The following RAD54L2 variants were observed in gnomAD, a reference collection of about 807,000 sequenced individuals.
RAD54L2 encodes RAD54 like 2, also known as helicase ARIP4.
A neutral mutation model predicts 138.4 loss-of-function variants in RAD54L2; 27 were observed. That is an observed-to-expected ratio of 0.20 (90% CI 0.14 to 0.27). The LOEUF (loss-of-function observed/expected upper bound fraction) is 0.27. Among genes scored for constraint, RAD54L2 ranks in the 10% least tolerant of loss-of-function variants. The pLI is 1.00. For missense variants in RAD54L2, 1,396 were observed against 1,890.2 expected (o/e 0.74, Z 4.85); for synonymous variants, 644 against 723.2 (o/e 0.89, Z 1.76).
intron 22 of RAD54L2, among the ~76,000 whole-genome samples, chr3:51,661,013 G>A (rs2106857324): frequency 6.6e-6 from 1 of 152,172 alleles, no homozygotes; most frequent in South Asian, 2.1e-4. Flanking sequence ...GAGTGCAGCA[G>A]TGCAATCTCA....
intron 2 of RAD54L2, among the ~76,000 whole-genome samples, chr3:51,589,859 A>G (rs1157988043): frequency 2.0e-5 from 3 of 152,186 alleles, no homozygotes; most frequent in Non-Finnish European, 4.4e-5. Flanking sequence ...CAAAATAGCC[A>G]AGAGATGTTT....
chr3:51,582,181 A>G (rs867676523), intron 2 of RAD54L2, among the ~76,000 whole-genome samples: 3 of 152,234 alleles, frequency 2.0e-5, no homozygotes, highest in Middle Eastern at 6.8e-3. Context: ...GTCCTGAGAT[A>G]ATAGACATGA....
chr3:51,644,799 A>G (rs1453344494), intron 16 of RAD54L2, among the ~76,000 whole-genome samples: 1 of 152,150 alleles, frequency 6.6e-6, no homozygotes, highest in Non-Finnish European at 1.5e-5. Flanking sequence ...GAGGAGAGTG[A>G]GTTTTGTTTC....
chr3:51,552,125 A>G (rs1375088640), intron 2 of RAD54L2, among the ~76,000 whole-genome samples: 3 of 152,192 alleles, frequency 2.0e-5, no homozygotes, highest in African/African-American at 4.8e-5. Flanking sequence ...AAATGTATGC[A>G]TGTTTAAAAT....
At chr3:51,631,437 T>A (rs994120041) in intron 7 of RAD54L2, among the ~76,000 whole-genome samples, 14 of 151,658 alleles carry the variant, frequency 9.2e-5, no homozygotes, top group Non-Finnish European at 1.5e-4. Flanking sequence ...TTTTTTTTTT[T>A]TCTCCTGAGA....
In RAD54L2 at chr3:51,645,979, AT is replaced by A. The variant is rs1701269203; in HGVS notation, c.2829+217del. 1.3e-5 allele frequency among the ~76,000 whole-genome samples: 2 copies of A among 152,132 alleles called. No homozygotes were observed. Among genetic ancestry groups the A allele is most frequent in the South Asian group, 4.1e-4 (2 of 4,830 alleles). ...CTGGGAGTGCTAAGGTTAGCCATGTATAGTAATTTGGCCAGTGAGTCTTCTT... is the reference window on the plus strand; with the variant it reads ...CTGGGAGTGCTAAGGTTAGCCATGTAAGTAATTTGGCCAGTGAGTCTTCTT... On this transcript the variant is annotated intron_variant, in intron 18 of 22. Coordinates refer to ENST00000684192, the MANE Select transcript of RAD54L2 (RefSeq NM_015106.4). The surrounding 1 kb of genome is among the most constrained non-coding windows in gnomAD (Gnocchi z 6.1).
At chr3:51,595,186 A>G (rs1032077523) in intron 3 of RAD54L2, among the ~76,000 whole-genome samples, 1 of 152,122 alleles carries the variant, frequency 6.6e-6, no homozygotes, top group African/African-American at 2.4e-5. Flanking sequence ...TTTACTGAGG[A>G]GCATCCATCA....
rs1559648059 is a variant in RAD54L2 at position 51,639,560 on chromosome 3, G to A, written c.2002G>A (p.Asp668Asn). The A allele has an allele frequency of 1.9e-6, 3 of 1,613,998 alleles. No individual in the cohort carries two copies. Among genetic ancestry groups the A allele is most frequent in the Admixed American group, 3.3e-5 (2 of 60,018 alleles). Reference protein sequence around the residue: ...PPQGTKGKGEDSTLASSMGEA... With the variant: ...PPQGTKGKGENSTLASSMGEA... ...ACAGGGAACAAAAGGCAAGGGAGAGGATAGCACCTTGGCTTCCTCGATGGG... is the reference window on the plus strand; with the variant it reads ...ACAGGGAACAAAAGGCAAGGGAGAGAATAGCACCTTGGCTTCCTCGATGGG... The change falls in exon 13 of 23, where the codon GAT becomes AAT. Residue 668 changes from aspartate (D) to asparagine (N), a missense_variant. Physicochemically the swap from Asp to Asn is conservative, Grantham distance 23 (BLOSUM62 1). Coordinates refer to ENST00000684192, the MANE Select transcript of RAD54L2 (RefSeq NM_015106.4).
intron 19 of RAD54L2, among the ~76,000 whole-genome samples, chr3:51,648,101 C>T (rs553652197): frequency 5.9e-5 from 9 of 152,274 alleles, no homozygotes; most frequent in South Asian, 2.1e-4. Context: ...CCAAATACTG[C>T]GCTTTTCCAA....
chr3:51,554,040 T>G (rs1698906716), intron 2 of RAD54L2, among the ~76,000 whole-genome samples: 1 of 152,110 alleles, frequency 6.6e-6, no homozygotes. Context: ...ATCAGGGTGG[T>G]GATTGCTGAA....
intron 3 of RAD54L2, among the ~76,000 whole-genome samples, chr3:51,609,233 A>C (rs957070095): frequency 2.0e-5 from 3 of 152,178 alleles, no homozygotes; most frequent in Non-Finnish European, 4.4e-5. Flanking sequence ...CTCTGACCAG[A>C]GTTTACTCTC....
intron 2 of RAD54L2, among the ~76,000 whole-genome samples, chr3:51,563,627 C>T (rs889089912): frequency 4.6e-5 from 7 of 152,186 alleles, no homozygotes; most frequent in African/African-American, 1.2e-4. Context: ...TCATCAGGGT[C>T]AGTAGTTAGA....
chr3:51,646,804 T>G (rs1264300691), intron 19 of RAD54L2, among the ~76,000 whole-genome samples: 3 of 152,186 alleles, frequency 2.0e-5, no homozygotes, highest in Non-Finnish European at 4.4e-5. Flanking sequence ...CCCTAGCACC[T>G]TAGTCCTAGG....
chr3:51,651,438 AG>A (rs1218040363), intron 19 of RAD54L2, among the ~76,000 whole-genome samples: 7 of 152,238 alleles, frequency 4.6e-5, no homozygotes, highest in African/African-American at 1.4e-4. Flanking sequence ...TCATTTTATG[AG>A]GCCAGCATCA....
intron 3 of RAD54L2, among the ~76,000 whole-genome samples, chr3:51,601,248 G>C (rs2106735378): frequency 6.6e-6 from 1 of 150,512 alleles, no homozygotes; most frequent in South Asian, 2.1e-4. Context: ...TCCTGACCTT[G>C]TGATCCACCC....
chr3:51,634,671 C>G (rs1272032121), intron 9 of RAD54L2, among the ~76,000 whole-genome samples: 1 of 152,108 alleles, frequency 6.6e-6, no homozygotes, highest in Non-Finnish European at 1.5e-5. Context: ...TGCCTGGTCT[C>G]TACTGTCTAA....
chr3:51,647,989 G>A (rs1230069667), intron 19 of RAD54L2, among the ~76,000 whole-genome samples: 1 of 152,168 alleles, frequency 6.6e-6, no homozygotes, highest in African/African-American at 2.4e-5. Context: ...AAGCAGGGTG[G>A]GGCATCACGT....
At chr3:51,660,984 C>T (rs558943835) in intron 22 of RAD54L2, among the ~76,000 whole-genome samples, 7 of 151,824 alleles carry the variant, frequency 4.6e-5, no homozygotes, top group Non-Finnish European at 7.4e-5. Context: ...GACAGAGTCT[C>T]GTTCTGTCAC....
At chr3:51,555,827 C>T (rs1698949450) in intron 2 of RAD54L2, among the ~76,000 whole-genome samples, 1 of 152,156 alleles carries the variant, frequency 6.6e-6, no homozygotes, top group African/African-American at 2.4e-5. Context: ...GACACAAGTA[C>T]TTTACTTATG....
Sources: gnomAD v4.1 joint callset for allele counts (sites outside exome capture counted in the v4.1 genomes callset) on GRCh38, gnomAD v4.1.1 for gene constraint, Gnocchi (gnomAD v3.1) non-coding constraint, MANE v1.5 for transcripts, NCBI Gene and HGNC (gene_info 2026-07-23, HGNC 2026-07-21) for gene names.